The following DAB1 variants were observed in gnomAD, a reference collection of about 807,000 sequenced individuals.
The protein encoded by DAB1 is disabled homolog 1.
DAB1 carries 15 observed loss-of-function variants against 64.6 expected under a neutral mutation model. The observed-to-expected ratio is 0.23, with a 90% confidence interval of 0.16 to 0.36. The LOEUF (loss-of-function observed/expected upper bound fraction) is 0.36, where lower values mean the gene tolerates loss of function less well. DAB1 is among the 10% of genes least tolerant of loss of function. The pLI is 1.00. For missense variants in DAB1, 596 were observed against 706.7 expected, an observed-to-expected ratio of 0.84 and a Z score of 1.78; for synonymous variants, 235 against 251.9, an observed-to-expected ratio of 0.93 and a Z score of 0.64.
At chr1:57,300,713 C>A (rs762178038) in intron 1 of DAB1, among the ~76,000 whole-genome samples, 1 of 152,014 alleles carries the variant, frequency 6.6e-6, no homozygotes, top group Non-Finnish European at 1.5e-5. Context: ...CAAGGAGGCC[C>A]GAAGAAAATC....
At chr1:57,810,769 T>G (rs1023931537) in intron 6 of DAB1, among the ~76,000 whole-genome samples, 2 of 152,238 alleles carry the variant, frequency 1.3e-5, no homozygotes. Flanking sequence ...TGCTTACAAC[T>G]AGGCCCTAAG....
chr1:57,752,311 C>T (rs1275654130), intron 6 of DAB1, among the ~76,000 whole-genome samples: 1 of 152,152 alleles, frequency 6.6e-6, no homozygotes, highest in African/African-American at 2.4e-5. Context: ...ATTTTTCAAC[C>T]CATATATACA....
At chr1:57,027,231 A>C (rs993211226) in intron 9 of DAB1, among the ~76,000 whole-genome samples, 6 of 152,160 alleles carry the variant, frequency 3.9e-5, no homozygotes, top group Admixed American at 6.5e-5. Context: ...TACTGGTAAG[A>C]TAAACCACAA....
intron 5 of DAB1, among the ~76,000 whole-genome samples, chr1:57,997,509 T>C (rs1646443154): frequency 1.3e-5 from 2 of 152,172 alleles, no homozygotes; most frequent in African/African-American, 2.4e-5. Context: ...CTCTGCCTTA[T>C]AGCCCCTCAG....
chr1:57,730,818 G>A (rs1430641518), intron 6 of DAB1, among the ~76,000 whole-genome samples: 3 of 152,192 alleles, frequency 2.0e-5, no homozygotes, highest in Non-Finnish European at 4.4e-5. Flanking sequence ...AGAAACCCCA[G>A]AAAATTATAA....
intron 2 of DAB1, among the ~76,000 whole-genome samples, chr1:57,226,267 G>A (rs1464620679): frequency 6.6e-6 from 1 of 152,152 alleles, no homozygotes; most frequent in Non-Finnish European, 1.5e-5. Flanking sequence ...TTATTGAACT[G>A]TCTACTGGAC....
At chr1:58,409,132 C>T (rs1189316266) in intron 3 of DAB1, among the ~76,000 whole-genome samples, 1 of 152,026 alleles carries the variant, frequency 6.6e-6, no homozygotes, top group South Asian at 2.1e-4. Flanking sequence ...CATGGAATAT[C>T]CACAAAAACT....
At chr1:58,181,418 C>T (rs2100784356) in intron 4 of DAB1, among the ~76,000 whole-genome samples, 1 of 152,150 alleles carries the variant, frequency 6.6e-6, no homozygotes, top group East Asian at 1.9e-4. Context: ...TTGATAGAAG[C>T]AGTTAATTCA....
intron 2 of DAB1, among the ~76,000 whole-genome samples, chr1:57,205,855 A>C (rs1175439513): frequency 1.3e-5 from 2 of 152,224 alleles, no homozygotes. Flanking sequence ...CATTCAAACA[A>C]TATAGACCAA....
intron 7 of DAB1, among the ~76,000 whole-genome samples, chr1:57,565,945 C>A (rs907276938): frequency 6.6e-6 from 1 of 152,214 alleles, no homozygotes; most frequent in Non-Finnish European, 1.5e-5. Context: ...ATCTACAGAA[C>A]TCTCCACCCC....
intron 3 of DAB1, among the ~76,000 whole-genome samples, chr1:58,387,722 C>CTTTTTTTT (rs35563837): frequency 6.1e-5 from 4 of 65,516 alleles, no homozygotes; most frequent in Non-Finnish European, 1.0e-4. Flanking sequence ...CTTTTCTTTT[C>CTTTTTTTT]TTTTTTTTTT....
At chr1:57,533,315 G>A (rs1189524996) in intron 7 of DAB1, among the ~76,000 whole-genome samples, 1 of 151,144 alleles carries the variant, frequency 6.6e-6, no homozygotes, top group Non-Finnish European at 1.5e-5. Context: ...CCGAGACCCT[G>A]TGGATTCTTA....
At chr1:58,042,125 A>G (rs1647145908) in intron 5 of DAB1, among the ~76,000 whole-genome samples, 1 of 152,228 alleles carries the variant, frequency 6.6e-6, no homozygotes, top group Non-Finnish European at 1.5e-5. Flanking sequence ...AGAGCAAAGG[A>G]AATGAATAAA....
At chr1:58,477,868 T>TA (rs1476828625) in intron 3 of DAB1, among the ~76,000 whole-genome samples, 1 of 152,090 alleles carries the variant, frequency 6.6e-6, no homozygotes, top group Non-Finnish European at 1.5e-5. Flanking sequence ...TTCTTACAAG[T>TA]AAAAAAACCT....
chr1:58,258,570 G>GT lies in DAB1; in HGVS notation n.309+84781_309+84782insA, dbSNP rs561807249. On this transcript the variant is annotated intron_variant and non_coding_transcript_variant, in intron 4 of 20. Coordinates refer to the DAB1 transcript ENST00000485760. ...GACGAGGTGGTCTCTGGGGTTCCTGGCAATTCTGTGGGCTATGGCTTGAGA... is the reference window on the plus strand; with the variant it reads ...GACGAGGTGGTCTCTGGGGTTCCTGGTCAATTCTGTGGGCTATGGCTTGAGA... 1.9e-3 allele frequency among the ~76,000 whole-genome samples: 295 copies of GT among 152,232 alleles called. 3 individuals carry two copies. The highest frequency in any genetic ancestry group is 0.018 in the Admixed American group (277 of 15,296).
At chr1:58,457,448 T>C (rs1400556573) in intron 3 of DAB1, among the ~76,000 whole-genome samples, 2 of 152,160 alleles carry the variant, frequency 1.3e-5, no homozygotes, top group Admixed American at 6.5e-5. Context: ...AACCCCTTAT[T>C]AAGCGGCCTG....
chr1:58,260,483 T>C (rs1177106994), intron 4 of DAB1, among the ~76,000 whole-genome samples: 1 of 152,124 alleles, frequency 6.6e-6, no homozygotes, highest in Non-Finnish European at 1.5e-5. Flanking sequence ...CATGGGGCCG[T>C]ATGCCCATCC....
At chr1:57,032,646 G>A (rs866453593) in intron 9 of DAB1, among the ~76,000 whole-genome samples, 2 of 152,114 alleles carry the variant, frequency 1.3e-5, no homozygotes, top group East Asian at 3.9e-4. Context: ...TTGATGCCTG[G>A]TTCCCACCCC....
At chr1:58,516,198 T>C (rs1646155138) in intron 2 of DAB1, among the ~76,000 whole-genome samples, 1 of 152,118 alleles carries the variant, frequency 6.6e-6, no homozygotes, top group Non-Finnish European at 1.5e-5. Context: ...TCAAAAACAA[T>C]CATACACCAT....
Sources: gnomAD v4.1 joint callset for allele counts (sites outside exome capture counted in the v4.1 genomes callset) on GRCh38, gnomAD v4.1.1 for gene constraint, MANE v1.5 for transcripts, NCBI Gene and HGNC (gene_info 2026-07-23, HGNC 2026-07-21) for gene names.